LAMA5: variants seen among roughly 807,000 people sequenced by gnomAD.
LAMA5 encodes laminin subunit alpha-5.
Under a neutral mutation model 433.4 loss-of-function variants are expected in LAMA5, and 260 were observed. The observed-to-expected ratio is 0.60, with a 90% CI of 0.54 to 0.66. The LOEUF (loss-of-function observed/expected upper bound fraction) is 0.66. Among genes scored for constraint, LAMA5 ranks in the 30% least tolerant of loss-of-function variants. LAMA5 has a pLI of 0.00. For missense variants in LAMA5, 5,378 were observed against 5,258.5 expected (o/e 1.02, Z -0.70); for synonymous variants, 2,620 against 2,226.6 (o/e 1.18, Z -4.97).
rs142876888 is a variant in LAMA5, at chr20:62,346,739, G to A, written c.1134C>T (p.Arg378=). ...CYYDPEVDRR[R]ASQSLDGTYQ... Reference sequence around the variant, plus strand: ...AGGTGCCATCCAGGCTCTGGCTGGCGCGGCGCCGGTCCACCTCAGGGTCGT... The same window carrying A: ...AGGTGCCATCCAGGCTCTGGCTGGCACGGCGCCGGTCCACCTCAGGGTCGT... The change falls in exon 8 of 80, where the codon CGC becomes CGT. Residue 378 remains arginine (R), a synonymous_variant. Coordinates refer to ENST00000252999, the MANE Select transcript of LAMA5 (RefSeq NM_005560.6). 2.5e-4 allele frequency: 401 copies of A among 1,613,164 alleles called. 3 individuals are homozygous for A. The African/African-American group carries it at 2.8e-3, about 11-fold the overall frequency.
rs374311912 is a variant in LAMA5, at chr20:62,335,698, A to AC, written c.2324-430dup. 2.7e-3 allele frequency among the ~76,000 whole-genome samples: 254 copies of AC among 92,562 alleles called. 1 individual carries two copies. The highest frequency in any genetic ancestry group is 0.019 in the Middle Eastern group (2 of 106). 60.7% of individuals were successfully genotyped at this position (92,562 alleles called of 152,430 possible). A position where few individuals can be genotyped will look rare whatever the true frequency, so the allele number is the denominator to read the frequency against. On this transcript the variant is annotated intron_variant, in intron 18 of 79. Coordinates refer to ENST00000252999, the MANE Select transcript of LAMA5 (RefSeq NM_005560.6). Reference sequence around the variant, plus strand: ...CTCCGAGGAACCCCCACACACTAACACCCCCTCCAGAGCACACTCACAGGC... The same window carrying AC: ...CTCCGAGGAACCCCCACACACTAACACCCCCCTCCAGAGCACACTCACAGGC...
intron 52 of LAMA5, 25 bp downstream of exon 52, chr20:62,318,818 G>T: frequency 1.9e-6 from 3 of 1,607,406 alleles, no homozygotes; most frequent in East Asian, 4.5e-5. Context: ...TCCCCACCCC[G>T]CCTGCCAGGG....
rs1484599753 is a variant in LAMA5, at chr20:62,359,390, G to A, written c.450+3010C>T. The stretch of plus-strand genomic sequence containing the variant: ...AGTGGGGCAAGGGCCTGGACCCTGC[G>A]GCAGAGCCAGGGGGTGGGGGAGCTC... On this transcript the variant is annotated intron_variant, in intron 2 of 79. Transcript: ENST00000252999. The surrounding 1 kb of genome is among the most constrained non-coding windows in gnomAD (Gnocchi z 4.3). Among the ~76,000 whole-genome samples, 3 of 152,146 alleles carry A rather than the reference G, an allele frequency of 2.0e-5. No homozygotes were observed. Among genetic ancestry groups the A allele is most frequent in the African/African-American group, 4.8e-5 (2 of 41,434 alleles).
intron 6 of LAMA5, among the ~76,000 whole-genome samples, chr20:62,347,507 C>T (rs895718443): frequency 6.6e-6 from 1 of 152,188 alleles, no homozygotes; most frequent in African/African-American, 2.4e-5. Flanking sequence ...ATTTGCACCC[C>T]CCAAGGCTCA....
chr20:62,363,130 G>A (rs533011936), intron 1 of LAMA5, among the ~76,000 whole-genome samples: 7 of 152,306 alleles, frequency 4.6e-5, no homozygotes, highest in South Asian at 2.1e-4. Flanking sequence ...GGATCCAGGC[G>A]GCCAGACCCC....
chr20:62,333,400 G>A lies in LAMA5; in HGVS notation c.3103C>T (p.Pro1035Ser), dbSNP rs751026884. The A allele has an allele frequency of 4.3e-6, 7 of 1,612,740 alleles. No individual in the cohort carries two copies. The highest frequency in any genetic ancestry group is 3.3e-5 in the Admixed American group (2 of 60,022). The change falls in exon 25 of 80, where the codon CCC (proline) becomes TCC (serine). Residue 1035 changes from proline (P) to serine (S), a missense_variant. Pro to Ser is a moderately conservative substitution (Grantham distance 74, BLOSUM62 -1). Transcript: ENST00000252999. Reference sequence around the variant, plus strand: ...TTGTCGCCAGACTGCTGGGCAGAGGGACGGTATGTGCAGGCCTCAGTCACC... The same window carrying A: ...TTGTCGCCAGACTGCTGGGCAGAGGAACGGTATGTGCAGGCCTCAGTCACC... ...LRVTEACTYR[P>S]SAQQSGDNCL...
chr20:62,320,533 G>A (rs773099084), intron 50 of LAMA5, 26 bp downstream of exon 50: 34 of 1,546,740 alleles, frequency 2.2e-5, no homozygotes, highest in East Asian at 6.9e-5. Context: ...GCCTCCCGGG[G>A]CCCTGGGGGG....
At position 62,367,258 on chromosome 20, in the gene LAMA5, G is replaced by T; in HGVS notation, c.-13C>A. 4 of 1,163,518 alleles carry T rather than the reference G, an allele frequency of 3.4e-6. No individual in the cohort carries two copies. Among genetic ancestry groups the T allele is most frequent in the Non-Finnish European group, 4.2e-6 (4 of 945,458 alleles). 72.1% of individuals were successfully genotyped at this position (1,163,518 alleles called of 1,614,324 possible). On this transcript the variant is annotated 5_prime_UTR_variant, in exon 1 of 80. Coordinates refer to ENST00000252999, the MANE Select transcript of LAMA5 (RefSeq NM_005560.6). ...GCCGCTTCGCCATCTTCCCGGCTCC[G>T]GGCCGCGTCCCCGAGCTCCAGGGAC...
At chr20:62,316,269 G>A in intron 57 of LAMA5, 1 of 593,352 alleles carries the variant, frequency 1.7e-6, no homozygotes. Flanking sequence ...CCCACTGCAG[G>A]CATAGCTGTC....
intron 1 of LAMA5, among the ~76,000 whole-genome samples, chr20:62,364,846 G>C (rs1986545740): frequency 6.6e-6 from 1 of 152,250 alleles, no homozygotes; most frequent in Non-Finnish European, 1.5e-5. Flanking sequence ...CTGCAGCCTT[G>C]AGAACACACT....
intron 2 of LAMA5, 41 bp downstream of exon 2, chr20:62,362,359 C>T: frequency 2.1e-6 from 3 of 1,431,826 alleles, no homozygotes; most frequent in Non-Finnish European, 2.8e-6. Context: ...CGGGCACAGA[C>T]ACAGAGATGG....
chr20:62,335,941 G>C (rs1366197667), intron 18 of LAMA5, among the ~76,000 whole-genome samples: 1 of 128,108 alleles, frequency 7.8e-6, no homozygotes, highest in Non-Finnish European at 1.6e-5. Flanking sequence ...CTCCCTCCAG[G>C]ACACACTCAT....
At chr20:62,365,579 T>C (rs1346541627) in intron 1 of LAMA5, among the ~76,000 whole-genome samples, 1 of 152,134 alleles carries the variant, frequency 6.6e-6, no homozygotes. Context: ...CTGGGGACAC[T>C]CAGCCAGGCC....
At chr20:62,330,221 C>G (rs1980101606) in intron 31 of LAMA5, among the ~76,000 whole-genome samples, 1 of 152,282 alleles carries the variant, frequency 6.6e-6, no homozygotes, top group Non-Finnish European at 1.5e-5. Context: ...CAGCGGCATC[C>G]TGGGGCAAGC....
rs550344524 is a variant in LAMA5 at position 62,327,574 on chromosome 20, A to G, written c.4893T>C (p.Phe1631=). Residue 1631 remains phenylalanine (F), a synonymous_variant, in exon 37 of 80, where the codon TTT becomes TTC. Transcript: ENST00000252999. ...NPKGCTRCFC[F]GATERCRSSS... The stretch of plus-strand genomic sequence containing the variant: ...AGCTCCGGCAGCGCTCCGTGGCCCC[A>G]AAGCAGAAGCAGCGGGTGCAACCTT... 15 of 1,612,908 alleles carry G rather than the reference A, an allele frequency of 9.3e-6. No individual in the cohort carries two copies. The East Asian group carries it at 3.3e-4, about 36-fold the overall frequency.
Position 62,311,980 on chromosome 20 carries a change from G to C in LAMA5, c.9575C>G (p.Thr3192Ser). The change falls in exon 70 of 80, where the codon ACT becomes AGT. Residue 3192 changes from threonine to serine, a missense_variant. By Grantham distance (58) the Thr-to-Ser change is moderately conservative. Coordinates refer to ENST00000252999, the MANE Select transcript of LAMA5 (RefSeq NM_005560.6). ...GGCACCATCGGCGAAGCCCGCTTGA[G>C]TTTTCACTTCAGTCCTCAGGAGCTG... is the stretch of plus-strand genomic sequence containing the variant. Reference protein sequence around the residue: ...SLQLLRTEVKTQAGFADGAPH... With the variant: ...SLQLLRTEVKSQAGFADGAPH... 6.2e-7 allele frequency: 1 copy of C among 1,612,740 alleles called. No individual in the cohort carries two copies. Among genetic ancestry groups the C allele is most frequent in the Non-Finnish European group, 8.5e-7 (1 of 1,179,918 alleles).
At chr20:62,343,226 G>A (rs1015126445) in intron 11 of LAMA5, among the ~76,000 whole-genome samples, 4 of 152,110 alleles carry the variant, frequency 2.6e-5, no homozygotes, top group East Asian at 1.9e-4. Flanking sequence ...GGCCTTTTCC[G>A]ACAGTTTGTT....
chr20:62,322,893 C>T lies in LAMA5; in HGVS notation c.6065-135G>A, dbSNP rs1200976313. On this transcript the variant is annotated intron_variant, in intron 45 of 79. Coordinates refer to ENST00000252999, the MANE Select transcript of LAMA5 (RefSeq NM_005560.6). ...GCCGCCCGGACCACCCGGCTACCCA[C>T]TCGTGTCCCAGCCTGGCCCCACTCC... 6.8e-6 allele frequency: 4 copies of T among 592,134 alleles called. No homozygotes were observed. The Admixed American group carries it at 1.1e-4, about 16-fold the overall frequency. The allele number at this position is 592,134 out of a possible 1,614,324, so 36.7% of individuals were successfully genotyped here.
At chr20:62,362,365 G>T in intron 2 of LAMA5, 35 bp downstream of exon 2, 1 of 1,450,924 alleles carries the variant, frequency 6.9e-7, no homozygotes. Context: ...CAGACACAGA[G>T]ATGGGGGCTG....
Sources: gnomAD v4.1 joint callset for allele counts (sites outside exome capture counted in the v4.1 genomes callset) on GRCh38, gnomAD v4.1.1 for gene constraint, Gnocchi (gnomAD v3.1) non-coding constraint, MANE v1.5 for transcripts, NCBI Gene and HGNC (gene_info 2026-07-23, HGNC 2026-07-21) for gene names.